SNRNP27: variants seen among roughly 807,000 people sequenced by gnomAD.
The protein encoded by SNRNP27 is U4/U6.U5 small nuclear ribonucleoprotein 27 kDa protein.
In SNRNP27, 22 loss-of-function variants were observed where a neutral mutation model predicts 25.1. That is an observed-to-expected ratio of 0.88 (90% CI 0.63 to 1.25). The LOEUF (loss-of-function observed/expected upper bound fraction) is 1.25, where lower values mean the gene tolerates loss of function less well. SNRNP27 is among the 50% of genes most tolerant of loss of function. The pLI, the probability that SNRNP27 is intolerant of heterozygous loss-of-function variation, is 0.00. For synonymous variants in SNRNP27, 66 were observed against 64.9 expected (o/e 1.02, Z -0.08); for missense variants, 150 against 202.3 (o/e 0.74, Z 1.57).
At position 69,898,387 on chromosome 2, in the gene SNRNP27, G is replaced by A. The variant is rs1418912587; in HGVS notation, c.348+931G>A. ...ATATAGAGGAGGGAGAGCATAGAGC[G>A]AGAGATGGGGGAAGAGAGAGATGGG... On this transcript the variant is annotated intron_variant, in intron 4 of 5. Transcript: ENST00000244227. Among the ~76,000 whole-genome samples, 12 of 37,238 alleles carry A rather than the reference G, an allele frequency of 3.2e-4. 3 individuals carry two copies. The highest frequency in any genetic ancestry group is 7.8e-4 in the Admixed American group (4 of 5,098). 24.4% of individuals were successfully genotyped at this position (37,238 alleles called of 152,430 possible).
In SNRNP27 at chr2:69,904,942, C is replaced by T. The variant is rs894807218; in HGVS notation, c.*634C>T. 2 of 151,970 alleles carry T rather than the reference C, an allele frequency of 1.3e-5. No homozygotes were observed. The highest frequency in any genetic ancestry group is 4.8e-5 in the African/African-American group (2 of 41,328). 9.4% of individuals were successfully genotyped at this position (151,970 alleles called of 1,614,324 possible). ...AAAGCAGAAAATCACCTGTTATCTA[C>T]TCCCAGAAATAATCAATTTCAACAT... On this transcript the variant is annotated 3_prime_UTR_variant, in exon 6 of 6. Coordinates refer to ENST00000244227, the MANE Select transcript of SNRNP27 (RefSeq NM_006857.3).
chr2:69,895,089 A>AT lies in SNRNP27; in HGVS notation c.35-3dup. The AT allele has an allele frequency of 6.2e-7, 1 of 1,612,766 alleles. No homozygotes were observed. The highest frequency in any genetic ancestry group is 8.5e-7 in the Non-Finnish European group (1 of 1,179,850). On this transcript the variant is annotated splice_polypyrimidine_tract_variant and splice_region_variant and intron_variant, in intron 1 of 5. Coordinates refer to ENST00000244227, the MANE Select transcript of SNRNP27 (RefSeq NM_006857.3). ...AGTTCTGCAATTTGTGTGCGTTTGC[A>AT]TTAGAACGTAGGCGTTCCCGGTCCA...
chr2:69,897,835 G>T (rs1676631344), intron 4 of SNRNP27: 1 of 165,480 alleles, frequency 6.0e-6, no homozygotes, highest in East Asian at 1.7e-4. Context: ...GCTAGAAATA[G>T]AGGTAGGAGG....
intron 2 of SNRNP27, among the ~76,000 whole-genome samples, chr2:69,895,498 GTTTC>G (rs1295824654): frequency 2.6e-5 from 4 of 152,268 alleles, no homozygotes; most frequent in African/African-American, 4.8e-5. Context: ...TTATATTTTT[GTTTC>G]TTTCTTCCGT....
chr2:69,904,203 A>G (rs771372446), intron 5 of SNRNP27, 51 bp from the exon 6 acceptor site: 9 of 1,249,582 alleles, frequency 7.2e-6, no homozygotes, highest in Non-Finnish European at 9.0e-6. Flanking sequence ...TTTTTTTATA[A>G]GAGGAGTATA....
At chr2:69,894,081 T>C (rs1676554642) in intron 1 of SNRNP27, 63 bp downstream of exon 1, 3 of 1,480,670 alleles carry the variant, frequency 2.0e-6, no homozygotes, top group East Asian at 4.6e-5. Flanking sequence ...TTTTGTTTTA[T>C]TTTGTTTTGT....
chr2:69,900,601 C>G (rs1056427830), intron 4 of SNRNP27, among the ~76,000 whole-genome samples: 1 of 152,234 alleles, frequency 6.6e-6, no homozygotes, highest in Non-Finnish European at 1.5e-5. Context: ...GGGTCAGAAT[C>G]GGTCTTTGCC....
Position 69,904,332 on chromosome 2 carries a change from T to C in SNRNP27, c.*24T>C. 1 of 1,594,514 alleles carries C rather than the reference T, an allele frequency of 6.3e-7. No individual in the cohort carries two copies. The highest frequency in any genetic ancestry group is 1.7e-5 in the Admixed American group (1 of 59,588). On this transcript the variant is annotated 3_prime_UTR_variant, in exon 6 of 6. Coordinates refer to ENST00000244227, the MANE Select transcript of SNRNP27 (RefSeq NM_006857.3). ...GAGAATTGAAGTGTTGAAGGATGAT[T>C]TTTTTTCCCCTCATCTTGGTCAGAG... is the stretch of plus-strand genomic sequence containing the variant.
Position 69,904,397 on chromosome 2 carries a change from A to T in SNRNP27, c.*89A>T, listed in dbSNP as rs773580515. On this transcript the variant is annotated 3_prime_UTR_variant, in exon 6 of 6. Transcript: ENST00000244227. ...TTTGTATTTAACTTGCATTCAAAAAACAGGATCTCAGTTCTCCTTTCTTGT... is the reference window on the plus strand; with the variant it reads ...TTTGTATTTAACTTGCATTCAAAAATCAGGATCTCAGTTCTCCTTTCTTGT... 1 of 989,930 alleles carries T rather than the reference A, an allele frequency of 1.0e-6. No individual in the cohort carries two copies. 61.3% of individuals were successfully genotyped at this position (989,930 alleles called of 1,614,324 possible).
rs1459742357 is a variant in SNRNP27 at position 69,896,479 on chromosome 2, C to T, written c.199C>T (p.Leu67=). ...HRSTSPSPSR[L]KERRDEEKKE... is the part of the protein sequence containing the mutation. ...ATCCACATCTCCTTCCCCTTCTCGACTGAAAGAAAGAAGAGATGAGGAAAA... is the reference window on the plus strand; with the variant it reads ...ATCCACATCTCCTTCCCCTTCTCGATTGAAAGAAAGAAGAGATGAGGAAAA... The change falls in exon 3 of 6, where the codon CTG becomes TTG. Residue 67 remains leucine (L), a synonymous_variant. Coordinates refer to ENST00000244227, the MANE Select transcript of SNRNP27 (RefSeq NM_006857.3). 6.2e-7 allele frequency: 1 copy of T among 1,611,066 alleles called. No individual in the cohort carries two copies. The highest frequency in any genetic ancestry group is 2.2e-5 in the East Asian group (1 of 44,848).
At chr2:69,894,923 GC>G (rs2104111452) in intron 1 of SNRNP27, among the ~76,000 whole-genome samples, 170 bp from the exon 2 acceptor site, 1 of 152,182 alleles carries the variant, frequency 6.6e-6, no homozygotes, top group Admixed American at 6.5e-5. Context: ...CTTGTGATCC[GC>G]CCGCCAGCCT....
chr2:69,894,399 C>G (rs932306847), intron 1 of SNRNP27, among the ~76,000 whole-genome samples: 2 of 152,156 alleles, frequency 1.3e-5, no homozygotes, highest in African/African-American at 2.4e-5. Flanking sequence ...GGTAGTATTG[C>G]CAACTTTTAA....
intron 3 of SNRNP27, 135 bp from the exon 4 acceptor site, chr2:69,897,242 A>T: frequency 3.4e-6 from 2 of 587,178 alleles, no homozygotes; most frequent in African/African-American, 1.9e-5. Flanking sequence ...TTTTCATTAG[A>T]CTCATCTTCA....
At chr2:69,894,455 T>C (rs1169528799) in intron 1 of SNRNP27, among the ~76,000 whole-genome samples, 1 of 152,206 alleles carries the variant, frequency 6.6e-6, no homozygotes, top group Admixed American at 6.5e-5. Context: ...ATACAGTATG[T>C]GATTCTGCCT....
chr2:69,902,573 TTGCTTCTTC>T (rs1676722169), intron 4 of SNRNP27, among the ~76,000 whole-genome samples: 1 of 148,422 alleles, frequency 6.7e-6, no homozygotes, highest in African/African-American at 2.5e-5. Flanking sequence ...TCTGCTGCTT[TTGCTTCTTC>T]TGCTTCTGCT....
intron 4 of SNRNP27, among the ~76,000 whole-genome samples, chr2:69,899,528 C>T (rs1676658393): frequency 6.6e-6 from 1 of 152,126 alleles, no homozygotes; most frequent in Non-Finnish European, 1.5e-5. Context: ...CTCCTGGGTT[C>T]AACCGATTCT....
In SNRNP27 at chr2:69,903,722, TTCTC is replaced by T. The variant is rs974206670; in HGVS notation, c.413+481_413+484del. 5.9e-5 allele frequency among the ~76,000 whole-genome samples: 9 copies of T among 152,326 alleles called. No individual in the cohort carries two copies. The South Asian group carries it at 6.2e-4, about 11-fold the overall frequency. Reference sequence around the variant, plus strand: ...GTCAAGATATTTTCAAACATTGCCTTTCTCTCTAACTTTGTCGCTGATAAAAGAT... The same window carrying T: ...GTCAAGATATTTTCAAACATTGCCTTTCTAACTTTGTCGCTGATAAAAGAT... On this transcript the variant is annotated intron_variant, in intron 5 of 5. Transcript: ENST00000244227.
At chr2:69,895,974 GTTT>G (rs3078818) in intron 2 of SNRNP27, among the ~76,000 whole-genome samples, 11 of 142,020 alleles carry the variant, frequency 7.7e-5, no homozygotes, top group Non-Finnish European at 7.7e-5. Context: ...TTTTTGGTTT[GTTT>G]TTTTTTTTTT....
chr2:69,897,018 A>G (rs191509440), intron 3 of SNRNP27, among the ~76,000 whole-genome samples: 15 of 152,268 alleles, frequency 9.9e-5, no homozygotes, highest in Non-Finnish European at 2.1e-4. Flanking sequence ...CTGGTTATCT[A>G]TGGTGCTCCT....
Sources: gnomAD v4.1 joint callset for allele counts (sites outside exome capture counted in the v4.1 genomes callset) on GRCh38, gnomAD v4.1.1 for gene constraint, MANE v1.5 for transcripts, NCBI Gene and HGNC (gene_info 2026-07-23, HGNC 2026-07-21) for gene names.